ME2: variants seen among roughly 807,000 people sequenced by gnomAD.
The protein encoded by ME2 is NAD-dependent malic enzyme, mitochondrial.
In ME2, 60 loss-of-function variants were observed where a neutral mutation model predicts 73.7. That is an observed-to-expected ratio of 0.81 (90% CI 0.66 to 1.01). The LOEUF is 1.01. Ranked by LOEUF, ME2 falls within the 50% of genes least tolerant of loss-of-function variation. The pLI is 0.00. For synonymous variants in ME2, 199 were observed against 236.9 expected (o/e 0.84, Z 1.47); for missense variants, 594 against 705.5 (o/e 0.84, Z 1.79).
At chr18:50,943,150 C>T (rs1918002744) in intron 15 of ME2, among the ~76,000 whole-genome samples, 1 of 151,616 alleles carries the variant, frequency 6.6e-6, no homozygotes, top group African/African-American at 2.4e-5. Flanking sequence ...TAAGTATTTT[C>T]TACTTTTTAA....
chr18:50,910,452 AAAAAAG>A (rs1205278557), intron 3 of ME2, among the ~76,000 whole-genome samples: 5 of 151,640 alleles, frequency 3.3e-5, no homozygotes, highest in Non-Finnish European at 7.4e-5. Context: ...AAAAAAAAAA[AAAAAAG>A]AAAAAGGCTA....
chr18:50,947,247 A>AT lies in ME2; in HGVS notation c.*64dup. On this transcript the variant is annotated 3_prime_UTR_variant, in exon 16 of 16. Coordinates refer to ENST00000321341, the MANE Select transcript of ME2 (RefSeq NM_002396.5). ...AACCCCTTTTTTCAGACAAGAAGAG[A>AT]TAATGTCTTCAGTTTTATGGTGTTT... 4 of 1,498,146 alleles carry AT rather than the reference A, an allele frequency of 2.7e-6. No homozygotes were observed. The highest frequency in any genetic ancestry group is 2.5e-4 in the Middle Eastern group (1 of 4,076). 92.8% of individuals were successfully genotyped at this position (1,498,146 alleles called of 1,614,324 possible).
At chr18:50,907,058 TA>T (rs1917035306) in intron 2 of ME2, among the ~76,000 whole-genome samples, 1 of 152,216 alleles carries the variant, frequency 6.6e-6, no homozygotes, top group Admixed American at 6.5e-5. Flanking sequence ...GCTGCTATGC[TA>T]AATTATTGCC....
At chr18:50,937,718 A>G (rs2144264520) in intron 13 of ME2, among the ~76,000 whole-genome samples, 1 of 152,264 alleles carries the variant, frequency 6.6e-6, no homozygotes, top group Non-Finnish European at 1.5e-5. Context: ...ACAAGCTCCT[A>G]AAAATAAAGT....
intron 12 of ME2, among the ~76,000 whole-genome samples, chr18:50,928,623 G>T (rs1917620714): frequency 6.6e-6 from 1 of 152,106 alleles, no homozygotes; most frequent in Non-Finnish European, 1.5e-5. Context: ...AGTTATTTTT[G>T]GAGAAAGGGA....
intron 2 of ME2, among the ~76,000 whole-genome samples, chr18:50,901,517 A>G (rs887329489): frequency 6.6e-6 from 1 of 152,178 alleles, no homozygotes; most frequent in African/African-American, 2.4e-5. Flanking sequence ...TGAATTGGCT[A>G]TTCATTTTTA....
Position 50,939,569 on chromosome 18 carries a change from G to A in ME2, c.1418-1G>A. 1.9e-6 allele frequency: 3 copies of A among 1,606,588 alleles called. No individual in the cohort carries two copies. The highest frequency in any genetic ancestry group is 2.6e-6 in the Non-Finnish European group (3 of 1,173,480). On this transcript the variant is annotated splice_acceptor_variant, in intron 13 of 15. Coordinates refer to ENST00000321341, the MANE Select transcript of ME2 (RefSeq NM_002396.5). LOFTEE classifies it high-confidence loss of function. ...CTAGTAAACTTTAAAATGTGTTCTA[G>A]GTGTGGCTTTAGCTGTTATTCTCTG... is the stretch of plus-strand genomic sequence containing the variant.
At chr18:50,906,928 C>T (rs1309958946) in intron 2 of ME2, among the ~76,000 whole-genome samples, 3 of 152,244 alleles carry the variant, frequency 2.0e-5, no homozygotes, top group African/African-American at 7.2e-5. Context: ...TCTAGAGTCC[C>T]GGTAATACCT....
rs1247102069 is a variant in ME2 at position 50,951,081 on chromosome 18, A to G, written c.*3897A>G. 1 of 152,222 alleles carries G rather than the reference A, an allele frequency of 6.6e-6. No homozygotes were observed. The highest frequency in any genetic ancestry group is 2.4e-5 in the African/African-American group (1 of 41,456). The allele number at this position is 152,222 out of a possible 1,614,324, so 9.4% of individuals were successfully genotyped here. On this transcript the variant is annotated 3_prime_UTR_variant, in exon 16 of 16. Coordinates refer to ENST00000321341, the MANE Select transcript of ME2 (RefSeq NM_002396.5). ...AAACTAGAGTACTCTTTAATTCTAA[A>G]TTATAGATTTGTAGCATACTTAGTA...
chr18:50,904,513 G>T (rs1916969832), intron 2 of ME2, among the ~76,000 whole-genome samples: 2 of 151,920 alleles, frequency 1.3e-5, no homozygotes, highest in African/African-American at 4.8e-5. Context: ...CAGAACTCCT[G>T]ACCTTGTGAT....
At chr18:50,882,751 C>T (rs868239202) in intron 1 of ME2, among the ~76,000 whole-genome samples, 3 of 152,102 alleles carry the variant, frequency 2.0e-5, no homozygotes, top group African/African-American at 7.2e-5. Context: ...GAGTTCGAGA[C>T]CAGCCTGCCC....
At chr18:50,920,175 CAAAG>C (rs1278180988) in intron 7 of ME2, among the ~76,000 whole-genome samples, 1 of 152,050 alleles carries the variant, frequency 6.6e-6, no homozygotes, top group East Asian at 1.9e-4. Context: ...GGTTCAGAGT[CAAAG>C]GAAGTGTCCT....
intron 5 of ME2, 103 bp from the exon 6 acceptor site, chr18:50,917,244 A>T (rs1282829219): frequency 1.2e-6 from 1 of 862,456 alleles, no homozygotes. Flanking sequence ...TATTTTTAAG[A>T]GCAAAGAGTA....
In ME2 at chr18:50,932,247, TTTA is replaced by T; in HGVS notation, c.1315-7_1315-5del. On this transcript the variant is annotated splice_polypyrimidine_tract_variant and splice_region_variant and intron_variant, in intron 12 of 15. Coordinates refer to ENST00000321341, the MANE Select transcript of ME2 (RefSeq NM_002396.5). ...AATAACAAAATTGAAGTTATTTCAT[TTTA>T]TTAACAGGGCAGGTGTTTGTTTGCC... The T allele has an allele frequency of 6.2e-7, 1 of 1,601,654 alleles. No individual in the cohort carries two copies.
At chr18:50,919,635 C>T (rs558825476) in intron 7 of ME2, among the ~76,000 whole-genome samples, 3 of 152,212 alleles carry the variant, frequency 2.0e-5, no homozygotes, top group Non-Finnish European at 2.9e-5. Flanking sequence ...CTCTTGTCTT[C>T]GTATCATAGT....
At chr18:50,917,292 T>G in intron 5 of ME2, 55 bp from the exon 6 acceptor site, 1 of 1,435,798 alleles carries the variant, frequency 7.0e-7, no homozygotes, top group African/African-American at 1.4e-5. Flanking sequence ...AAAAAATGCT[T>G]TTCTTTAGTG....
intron 2 of ME2, among the ~76,000 whole-genome samples, chr18:50,902,954 A>G (rs1274263045): frequency 2.6e-5 from 4 of 152,134 alleles, no homozygotes; most frequent in Non-Finnish European, 5.9e-5. Context: ...CTGAATGTTC[A>G]AGTGTCTGTT....
At chr18:50,889,397 T>C (rs995006300) in intron 1 of ME2, among the ~76,000 whole-genome samples, 1 of 152,222 alleles carries the variant, frequency 6.6e-6, no homozygotes, top group African/African-American at 2.4e-5. Flanking sequence ...TCTGGGTTGC[T>C]GAACACATGG....
At chr18:50,896,064 C>A (rs1916736624) in intron 2 of ME2, 136 bp downstream of exon 2, 3 of 603,382 alleles carry the variant, frequency 5.0e-6, no homozygotes, top group East Asian at 3.0e-5. Context: ...ATGAAATTTT[C>A]ACGCTTCTCC....
Sources: gnomAD v4.1 joint callset for allele counts (sites outside exome capture counted in the v4.1 genomes callset) on GRCh38, gnomAD v4.1.1 for gene constraint, MANE v1.5 for transcripts, NCBI Gene and HGNC (gene_info 2026-07-23, HGNC 2026-07-21) for gene names.